The following DENND5A variants were observed in gnomAD, a reference collection of about 807,000 sequenced individuals.
The protein encoded by DENND5A is DENN domain-containing protein 5A.
DENND5A carries 64 observed loss-of-function variants against 140.3 expected under a neutral mutation model. The observed-to-expected ratio is 0.46, with a 90% confidence interval of 0.37 to 0.56. The LOEUF (loss-of-function observed/expected upper bound fraction) is 0.56. DENND5A is among the 20% of genes least tolerant of loss of function. The probability of loss-of-function intolerance (pLI) is 0.00; values close to 1 mark genes in which losing one functional copy is unlikely to be tolerated. For missense variants in DENND5A, 1,292 were observed against 1,593.8 expected, an observed-to-expected ratio of 0.81 and a Z score of 3.22; for synonymous variants, 605 against 607.7, an observed-to-expected ratio of 1.00 and a Z score of 0.07.
chr11:9,219,658 C>G (rs577732621), intron 1 of DENND5A, among the ~76,000 whole-genome samples: 1 of 152,192 alleles, frequency 6.6e-6, no homozygotes, highest in African/African-American at 2.4e-5. Flanking sequence ...GAGGGGACAT[C>G]CCAAGATTTT....
chr11:9,265,070 G>A lies in DENND5A; in HGVS notation c.-1C>T. 5 of 1,527,744 alleles carry A rather than the reference G, an allele frequency of 3.3e-6. No homozygotes were observed. Among genetic ancestry groups the A allele is most frequent in the Non-Finnish European group, 3.5e-6 (4 of 1,138,958 alleles). 94.6% of individuals were successfully genotyped at this position (1,527,744 alleles called of 1,614,324 possible). A position where few individuals can be genotyped will look rare whatever the true frequency, so the allele number is the denominator to read the frequency against. On this transcript the variant is annotated 5_prime_UTR_variant, in exon 1 of 23. Coordinates refer to ENST00000328194, the MANE Select transcript of DENND5A (RefSeq NM_015213.4). This position sits in a 1 kb window ranked among gnomAD's most constrained non-coding sequence, Gnocchi z 4.7. ...CCCCTCCGCCGCCGCCGCCACTCAT[G>A]GCGCCGGGGCCGAGACCGGCCGGGC...
chr11:9,247,091 A>G lies in DENND5A; in HGVS notation c.109+17870T>C, dbSNP rs559635277. 8.5e-5 allele frequency among the ~76,000 whole-genome samples: 13 copies of G among 152,084 alleles called. No homozygotes were observed. The East Asian group carries it at 1.2e-3, about 14-fold the overall frequency. ...AAAAAATAGAAAAAATTAGCTGGGCATGGTGGCAGGCGCCTGTAGTCCCAG... is the reference window on the plus strand; with the variant it reads ...AAAAAATAGAAAAAATTAGCTGGGCGTGGTGGCAGGCGCCTGTAGTCCCAG... On this transcript the variant is annotated intron_variant, in intron 1 of 22. Coordinates refer to ENST00000328194, the MANE Select transcript of DENND5A (RefSeq NM_015213.4).
At chr11:9,145,482 G>A (rs1380547816) in intron 17 of DENND5A, 188 bp downstream of exon 17, 1 of 671,252 alleles carries the variant, frequency 1.5e-6, no homozygotes, top group Non-Finnish European at 2.6e-6. Flanking sequence ...ACATTGTTTA[G>A]ACAGGGTGGG....
intron 1 of DENND5A, among the ~76,000 whole-genome samples, chr11:9,233,270 G>A (rs1299418200): frequency 4.6e-5 from 7 of 151,930 alleles, no homozygotes; most frequent in African/African-American, 9.7e-5. Flanking sequence ...ATGGTGGTGG[G>A]TGCCTGTAAT....
chr11:9,245,128 CA>C (rs1489938069), intron 1 of DENND5A, among the ~76,000 whole-genome samples: 1 of 151,284 alleles, frequency 6.6e-6, no homozygotes, highest in East Asian at 2.0e-4. Flanking sequence ...ACTAAAAATA[CA>C]AAAAAATTAG....
rs914987153 is a variant in DENND5A at position 9,181,233 on chromosome 11, T to C, written c.1138-149A>G. On this transcript the variant is annotated intron_variant, in intron 5 of 22. Transcript: ENST00000328194. ...GTATAAGGAAGATAGGGCTCAGAAATAAGACAGACTTGAGTTCCAATATTA... is the reference window on the plus strand; with the variant it reads ...GTATAAGGAAGATAGGGCTCAGAAACAAGACAGACTTGAGTTCCAATATTA... 1.1e-4 allele frequency: 74 copies of C among 675,826 alleles called. No homozygotes were observed. The African/African-American group carries it at 1.3e-3, about 11-fold the overall frequency. 41.9% of individuals were successfully genotyped at this position (675,826 alleles called of 1,614,324 possible).
Position 9,243,118 on chromosome 11 carries a change from T to TAAAA in DENND5A, c.109+21842_109+21843insTTTT, listed in dbSNP as rs1478042311. 1.4e-3 allele frequency among the ~76,000 whole-genome samples: 110 copies of TAAAA among 77,448 alleles called. 4 individuals are homozygous for TAAAA. The highest frequency in any genetic ancestry group is 1.9e-3 in the Non-Finnish European group (68 of 36,160). 50.8% of individuals were successfully genotyped at this position (77,448 alleles called of 152,430 possible). ...AAAAAAAAAAAACAAAAAAAAAAAC[T>TAAAA]GAGGCGAGTAAGGCTAATTGGAATA... On this transcript the variant is annotated intron_variant, in intron 1 of 22. Transcript: ENST00000328194.
At chr11:9,144,616 C>T (rs1013189736) in intron 18 of DENND5A, among the ~76,000 whole-genome samples, 1 of 151,972 alleles carries the variant, frequency 6.6e-6, no homozygotes, top group Non-Finnish European at 1.5e-5. Flanking sequence ...TATGGCGAAA[C>T]CTGTCTCTAC....
At chr11:9,239,335 C>CTT (rs1213339417) in intron 1 of DENND5A, among the ~76,000 whole-genome samples, 14 of 121,294 alleles carry the variant, frequency 1.2e-4, no homozygotes, top group African/African-American at 1.9e-4. Flanking sequence ...CCTGGCTAAA[C>CTT]TTTTTTTTTT....
At chr11:9,169,131 G>C (rs1848282759) in intron 10 of DENND5A, among the ~76,000 whole-genome samples, 1 of 152,108 alleles carries the variant, frequency 6.6e-6, no homozygotes, top group Non-Finnish European at 1.5e-5. Flanking sequence ...AGAAACAGTA[G>C]GAAAAAAACT....
intron 5 of DENND5A, among the ~76,000 whole-genome samples, chr11:9,181,509 G>A (rs187642676): frequency 1.3e-5 from 2 of 152,036 alleles, no homozygotes; most frequent in East Asian, 3.9e-4. Context: ...TGAGATGGGC[G>A]GATCACTTGA....
rs574478463 is a variant in DENND5A, at chr11:9,220,065, T to C, written c.110-12433A>G. ...TGAAGAGAGATTGGTTTTGTTTTGT[T>C]TTTTCAATTTGTGATTTATGTCCCA... On this transcript the variant is annotated intron_variant, in intron 1 of 22. Coordinates refer to ENST00000328194, the MANE Select transcript of DENND5A (RefSeq NM_015213.4). 1.1e-4 allele frequency among the ~76,000 whole-genome samples: 17 copies of C among 152,250 alleles called. No individual in the cohort carries two copies. In the South Asian group the frequency reaches 3.5e-3, roughly 32 times the overall value.
chr11:9,144,339 G>A (rs1847350038), intron 18 of DENND5A, 61 bp from the exon 19 acceptor site: 2 of 1,558,314 alleles, frequency 1.3e-6, no homozygotes, highest in Non-Finnish European at 1.8e-6. Context: ...CACAGGAAGA[G>A]CCATCAACAA....
At chr11:9,243,477 G>A (rs1030558404) in intron 1 of DENND5A, among the ~76,000 whole-genome samples, 2 of 152,092 alleles carry the variant, frequency 1.3e-5, no homozygotes, top group African/African-American at 2.4e-5. Context: ...TTCCACCTCT[G>A]CCACTCCAAG....
chr11:9,249,920 C>T lies in DENND5A; in HGVS notation c.109+15041G>A, dbSNP rs578070660. Among the ~76,000 whole-genome samples the T allele has an allele frequency of 2.3e-3, 345 of 152,044 alleles. 3 individuals are homozygous for T. Among genetic ancestry groups the T allele is most frequent in the African/African-American group, 8.1e-3 (337 of 41,476 alleles). On this transcript the variant is annotated intron_variant, in intron 1 of 22. Transcript: ENST00000328194. Reference sequence around the variant, plus strand: ...CGGGCTAGCCTCAAACTCCTGAGTTCCAGGGATCCTCCTACCTCAGCTTCC... The same window carrying T: ...CGGGCTAGCCTCAAACTCCTGAGTTTCAGGGATCCTCCTACCTCAGCTTCC...
In DENND5A at chr11:9,228,050, T is replaced by C. The variant is rs141551706; in HGVS notation, c.110-20418A>G. On this transcript the variant is annotated intron_variant, in intron 1 of 22. Transcript: ENST00000328194. ...ATCATTTGAACCCAGGAGGCGGAGG[T>C]TGCAGTGAGGGGAGATTATACCATT... Among the ~76,000 whole-genome samples, 374 of 139,892 alleles carry C rather than the reference T, an allele frequency of 2.7e-3. 2 individuals are homozygous for C. The highest frequency in any genetic ancestry group is 4.4e-3 in the Non-Finnish European group (290 of 66,634). The allele number at this position is 139,892 out of a possible 152,430, so 91.8% of individuals were successfully genotyped here. A position where few individuals can be genotyped will look rare whatever the true frequency, so the allele number is the denominator to read the frequency against.
At chr11:9,174,119 AAAAAAAAAAAG>A in intron 8 of DENND5A, among the ~76,000 whole-genome samples, 1 of 147,968 alleles carries the variant, frequency 6.8e-6, no homozygotes, top group Admixed American at 6.7e-5. Flanking sequence ...AAAAAAAAAA[AAAAAAAAAAAG>A]AAAAAAAAAT....
intron 1 of DENND5A, among the ~76,000 whole-genome samples, chr11:9,247,143 C>T (rs1021783777): frequency 6.6e-5 from 10 of 151,218 alleles, no homozygotes; most frequent in African/African-American, 9.7e-5. Context: ...AGCAGGAGAA[C>T]GGCGTGAACC....
At chr11:9,143,557 C>T (rs1847320090) in intron 19 of DENND5A, 72 bp from the exon 20 acceptor site, 1 of 1,298,942 alleles carries the variant, frequency 7.7e-7, no homozygotes. Flanking sequence ...GAGCAGGAGA[C>T]TGAGGACACG....
Sources: allele counts gnomAD v4.1 joint callset (sites outside exome capture counted in the v4.1 genomes callset), GRCh38; gene constraint gnomAD v4.1.1; non-coding constraint Gnocchi (gnomAD v3.1); transcripts MANE v1.5; gene names NCBI Gene and HGNC (gene_info 2026-07-23, HGNC 2026-07-21).